Variants in PDSS1 observed in about 807,000 individuals in gnomAD.
PDSS1 encodes all trans-polyprenyl-diphosphate synthase PDSS1.
In PDSS1, 43 loss-of-function variants were observed where a neutral mutation model predicts 57.5. The ratio of observed to expected loss-of-function variants is 0.75; its 90% CI spans 0.59 to 0.96. PDSS1 has a LOEUF of 0.96. Among genes scored for constraint, PDSS1 ranks in the 50% least tolerant of loss-of-function variants. The pLI, the probability that PDSS1 is intolerant of heterozygous loss-of-function variation, is 0.00. For missense variants in PDSS1, 438 were observed against 527.8 expected (o/e 0.83, Z 1.67); for synonymous variants, 175 against 191.3 (o/e 0.91, Z 0.70).
At chr10:26,731,523 G>A (rs1267201237) in intron 8 of PDSS1, among the ~76,000 whole-genome samples, 1 of 152,138 alleles carries the variant, frequency 6.6e-6, no homozygotes, top group Non-Finnish European at 1.5e-5. Flanking sequence ...TTTGTGTTGT[G>A]AGAGGAGTGC....
chr10:26,708,268 C>T (rs1835307642), intron 4 of PDSS1, among the ~76,000 whole-genome samples: 1 of 152,222 alleles, frequency 6.6e-6, no homozygotes, highest in Non-Finnish European at 1.5e-5. Flanking sequence ...GGTTCATTGA[C>T]TCCCACTGCA....
intron 5 of PDSS1, among the ~76,000 whole-genome samples, chr10:26,714,114 A>C (rs1261728084): frequency 2.0e-5 from 3 of 152,142 alleles, no homozygotes; most frequent in African/African-American, 7.2e-5. Context: ...TGCCTCCTGC[A>C]GAACCTAACT....
At chr10:26,708,513 C>A (rs1026445226) in intron 4 of PDSS1, among the ~76,000 whole-genome samples, 3 of 152,176 alleles carry the variant, frequency 2.0e-5, no homozygotes, top group Admixed American at 6.5e-5. Context: ...CCACTGTATT[C>A]GTCATTGATT....
At chr10:26,698,650 C>G (rs1834952906) in intron 1 of PDSS1, among the ~76,000 whole-genome samples, 1 of 152,150 alleles carries the variant, frequency 6.6e-6, no homozygotes, top group Non-Finnish European at 1.5e-5. Context: ...TTAGCATAAC[C>G]GTGCAAAATC....
chr10:26,705,310 T>G lies in PDSS1; in HGVS notation c.252T>G (p.Ser84Arg). ...GGTTTCATCACACAACCCCAGACAG[T>G]AAAACACACAGTGGTGAAAAATACA... ...ISRFHHTTPD[S>R]KTHSGEKYTD... is the part of the protein sequence containing the mutation. Residue 84 changes from serine to arginine, a missense_variant, in exon 4 of 12, where the codon AGT becomes AGG. Transcript: ENST00000376215. The G allele has an allele frequency of 6.2e-7, 1 of 1,612,246 alleles. No individual in the cohort carries two copies. The highest frequency in any genetic ancestry group is 8.5e-7 in the Non-Finnish European group (1 of 1,178,430).
intron 4 of PDSS1, among the ~76,000 whole-genome samples, chr10:26,705,607 G>C (rs543478865): frequency 6.6e-6 from 1 of 152,280 alleles, no homozygotes; most frequent in South Asian, 2.1e-4. Context: ...CTGAGTAGCT[G>C]AGATTATAGG....
rs547337376 is a variant in PDSS1, at chr10:26,741,437, C to T, written c.1027-1060C>T. 3.9e-5 allele frequency among the ~76,000 whole-genome samples: 6 copies of T among 151,982 alleles called. No homozygotes were observed. In the East Asian group the frequency reaches 9.7e-4, roughly 25 times the overall value. On this transcript the variant is annotated intron_variant, in intron 10 of 11. Transcript: ENST00000376215. ...GGCAGAGGTTGTGGTGAGCCGAGGT[C>T]GTGCCACTGCACCACTCCAGCCTGT...
At chr10:26,710,655 T>C (rs1835389512) in intron 5 of PDSS1, among the ~76,000 whole-genome samples, 1 of 98,668 alleles carries the variant, frequency 1.0e-5, no homozygotes, top group African/African-American at 3.3e-5. Context: ...AGCTCTTTTT[T>C]GATCTGGGTT....
Position 26,702,612 on chromosome 10 carries a change from G to C in PDSS1, c.162+418G>C, listed in dbSNP as rs189517557. ...CCTAGCCGTTTGGAACTGTGAGTCA[G>C]TTACACCTCTTTCTTTTATAAATTA... is the stretch of plus-strand genomic sequence containing the variant. On this transcript the variant is annotated intron_variant, in intron 2 of 11. Coordinates refer to ENST00000376215, the MANE Select transcript of PDSS1 (RefSeq NM_014317.5). 8.4e-4 allele frequency among the ~76,000 whole-genome samples: 128 copies of C among 152,270 alleles called. 1 individual carries two copies. The highest frequency in any genetic ancestry group is 2.9e-3 in the African/African-American group (121 of 41,542).
chr10:26,729,139 G>A lies in PDSS1; in HGVS notation c.831+5016G>A, dbSNP rs373244160. Among the ~76,000 whole-genome samples the A allele has an allele frequency of 5.9e-5, 9 of 152,036 alleles. No homozygotes were observed. The East Asian group carries it at 1.2e-3, about 19-fold the overall frequency. On this transcript the variant is annotated intron_variant, in intron 8 of 11. Coordinates refer to ENST00000376215, the MANE Select transcript of PDSS1 (RefSeq NM_014317.5). ...TTATTTTAATACTCAATTATCCAAC[G>A]TATGGCCAGTAGGGGAGGCCCTTTA...
At chr10:26,707,788 G>A (rs1835288100) in intron 4 of PDSS1, among the ~76,000 whole-genome samples, 2 of 152,228 alleles carry the variant, frequency 1.3e-5, no homozygotes, top group South Asian at 2.1e-4. Context: ...CACCGGGAAC[G>A]CCATGGGGCG....
At chr10:26,712,523 C>T (rs74542922) in intron 5 of PDSS1, among the ~76,000 whole-genome samples, 3,011 of 99,058 alleles carry the variant, frequency 0.03, 940 homozygotes, top group African/African-American at 0.092. Flanking sequence ...GGACAAGTCA[C>T]GGTTGTGGCG....
In PDSS1 at chr10:26,699,249, T is replaced by C. The variant is rs115110200; in HGVS notation, c.129+1409T>C. Among the ~76,000 whole-genome samples, 541 of 152,198 alleles carry C rather than the reference T, an allele frequency of 3.6e-3. 4 individuals carry two copies. Among genetic ancestry groups the C allele is most frequent in the African/African-American group, 0.012 (509 of 41,530 alleles). On this transcript the variant is annotated intron_variant, in intron 1 of 11. Coordinates refer to ENST00000376215, the MANE Select transcript of PDSS1 (RefSeq NM_014317.5). Reference sequence around the variant, plus strand: ...GTGAGGGGCATGTGGGAGAAGAGGCTTAGAGGAGGAAGGTAGGCTTTGCTG... The same window carrying C: ...GTGAGGGGCATGTGGGAGAAGAGGCCTAGAGGAGGAAGGTAGGCTTTGCTG...
At chr10:26,744,160 A>G (rs1429464571) in intron 11 of PDSS1, among the ~76,000 whole-genome samples, 1 of 152,180 alleles carries the variant, frequency 6.6e-6, no homozygotes, top group African/African-American at 2.4e-5. Flanking sequence ...CAGGAAGAAA[A>G]TAAACAAAAA....
chr10:26,733,468 A>G (rs1032756253), intron 8 of PDSS1, among the ~76,000 whole-genome samples: 4 of 151,998 alleles, frequency 2.6e-5, no homozygotes, highest in Admixed American at 1.3e-4. Flanking sequence ...TGTTCACTCA[A>G]CTCAGTGGCC....
intron 8 of PDSS1, among the ~76,000 whole-genome samples, chr10:26,733,829 C>T (rs973019006): frequency 6.6e-6 from 1 of 151,990 alleles, no homozygotes; most frequent in Non-Finnish European, 1.5e-5. Flanking sequence ...TAAAAATTAG[C>T]TGGGTGTGGT....
chr10:26,714,275 G>A (rs574309906), intron 5 of PDSS1, among the ~76,000 whole-genome samples: 4 of 152,072 alleles, frequency 2.6e-5, no homozygotes, highest in Admixed American at 6.5e-5. Context: ...GGAGTTTGAG[G>A]CTAGCCTGGC....
At chr10:26,735,140 G>A in intron 8 of PDSS1, 100 bp from the exon 9 acceptor site, 1 of 817,678 alleles carries the variant, frequency 1.2e-6, no homozygotes, top group Non-Finnish European at 2.2e-6. Flanking sequence ...GTATAATCTA[G>A]CCCCGCTGCC....
intron 4 of PDSS1, among the ~76,000 whole-genome samples, chr10:26,707,852 T>C (rs1036980538): frequency 6.6e-6 from 1 of 152,126 alleles, no homozygotes; most frequent in Non-Finnish European, 1.5e-5. Flanking sequence ...CCCCCACGAG[T>C]TGTTTGTTCT....
Sources: allele counts gnomAD v4.1 joint callset (sites outside exome capture counted in the v4.1 genomes callset), GRCh38; gene constraint gnomAD v4.1.1; transcripts MANE v1.5; gene names NCBI Gene and HGNC (gene_info 2026-07-23, HGNC 2026-07-21).